The following RALGPS1 variants were observed in gnomAD, a reference collection of about 807,000 sequenced individuals.
RALGPS1 encodes the protein Ral GEF with PH domain and SH3 binding motif 1, also known as ras-specific guanine nucleotide-releasing factor RalGPS1.
In RALGPS1, 19 loss-of-function variants were observed where a neutral mutation model predicts 78.8. The ratio of observed to expected loss-of-function variants is 0.24; its 90% CI spans 0.17 to 0.35. RALGPS1 has a LOEUF of 0.35. Among genes scored for constraint, RALGPS1 ranks in the 10% least tolerant of loss-of-function variants. The probability of loss-of-function intolerance (pLI) is 1.00; values close to 1 mark genes in which losing one functional copy is unlikely to be tolerated. For missense variants in RALGPS1, 454 were observed against 688.3 expected (o/e 0.66, Z 3.81); for synonymous variants, 228 against 256.3 (o/e 0.89, Z 1.06).
intron 8 of RALGPS1, chr9:127,088,116 G>T (rs1178403929): frequency 6.6e-6 from 1 of 152,552 alleles, no homozygotes; most frequent in Non-Finnish European, 1.5e-5. Flanking sequence ...CAGCAGAGCG[G>T]AAAGGGGGCC....
At chr9:126,944,233 G>T (rs1453282014) in intron 1 of RALGPS1, among the ~76,000 whole-genome samples, 2 of 152,242 alleles carry the variant, frequency 1.3e-5, no homozygotes, top group Non-Finnish European at 2.9e-5. Context: ...ACATCTCACA[G>T]CAGCAGTGGA....
chr9:127,018,182 TCCAGCC>T (rs1371096846), intron 4 of RALGPS1, among the ~76,000 whole-genome samples: 3 of 151,602 alleles, frequency 2.0e-5, no homozygotes, highest in Non-Finnish European at 2.9e-5. Context: ...GCCACTGCAC[TCCAGCC>T]TGAGTGACAG....
intron 8 of RALGPS1, among the ~76,000 whole-genome samples, chr9:127,133,726 C>G (rs946259944): frequency 6.6e-6 from 1 of 152,208 alleles, no homozygotes; most frequent in Non-Finnish European, 1.5e-5. Context: ...GGAACCAAAA[C>G]TCTCCTGGTT....
At chr9:126,964,483 C>G (rs892691978) in intron 2 of RALGPS1, among the ~76,000 whole-genome samples, 4 of 151,960 alleles carry the variant, frequency 2.6e-5, no homozygotes, top group Non-Finnish European at 5.9e-5. Flanking sequence ...TTTATATAAC[C>G]CGTACTATAG....
chr9:127,131,984 CAT>C (rs1401459649), intron 8 of RALGPS1, among the ~76,000 whole-genome samples: 1 of 152,162 alleles, frequency 6.6e-6, no homozygotes, highest in East Asian at 1.9e-4. Flanking sequence ...AACAAGTTCA[CAT>C]GAGGCCCTTG....
intron 4 of RALGPS1, among the ~76,000 whole-genome samples, chr9:127,025,221 C>T (rs1472639750): frequency 6.6e-6 from 1 of 152,224 alleles, no homozygotes; most frequent in African/African-American, 2.4e-5. Context: ...GTATGCGTCA[C>T]TCTGTCATTC....
intron 18 of RALGPS1, among the ~76,000 whole-genome samples, chr9:127,216,519 A>G (rs960528455): frequency 6.6e-6 from 1 of 152,230 alleles, no homozygotes; most frequent in Non-Finnish European, 1.5e-5. Flanking sequence ...GTGACACTTG[A>G]TAGTTATTAG....
At chr9:126,942,091 C>T in intron 1 of RALGPS1, among the ~76,000 whole-genome samples, 1 of 152,226 alleles carries the variant, frequency 6.6e-6, no homozygotes, top group Admixed American at 6.5e-5. Context: ...TTCAGGTCCA[C>T]CCATCTTCCG....
At chr9:127,165,944 A>C in intron 8 of RALGPS1, 125 bp from the exon 9 acceptor site, 1 of 1,362,722 alleles carries the variant, frequency 7.3e-7, no homozygotes, top group Non-Finnish European at 9.6e-7. Flanking sequence ...ATTAAAGTCC[A>C]AATATTATCT....
intron 14 of RALGPS1, among the ~76,000 whole-genome samples, chr9:127,202,546 G>C (rs2061690089): frequency 1.3e-5 from 2 of 152,288 alleles, no homozygotes; most frequent in African/African-American, 4.8e-5. Flanking sequence ...ACCCTCTTCT[G>C]CTCTTCATCC....
At chr9:126,983,163 C>T (rs561906102) in intron 4 of RALGPS1, among the ~76,000 whole-genome samples, 2 of 152,092 alleles carry the variant, frequency 1.3e-5, no homozygotes, top group South Asian at 2.1e-4. Context: ...TCTCGAATTC[C>T]TGACCTCAGG....
intron 4 of RALGPS1, among the ~76,000 whole-genome samples, chr9:126,999,503 C>G (rs1170409436): frequency 6.6e-6 from 1 of 152,142 alleles, no homozygotes; most frequent in Non-Finnish European, 1.5e-5. Context: ...TCTCTTAACC[C>G]CTGGCACCAC....
chr9:127,098,653 G>C (rs2053412784), intron 8 of RALGPS1, among the ~76,000 whole-genome samples: 1 of 152,170 alleles, frequency 6.6e-6, no homozygotes, highest in African/African-American at 2.4e-5. Flanking sequence ...GAGGTGATCA[G>C]CTTTGGGTGC....
chr9:126,989,778 C>T, intron 4 of RALGPS1: 4 of 1,405,090 alleles, frequency 2.8e-6, no homozygotes, highest in Non-Finnish European at 3.8e-6. Flanking sequence ...AATACATATT[C>T]CTGTGGGACA....
chr9:127,116,685 G>T (rs1374814246), intron 8 of RALGPS1, among the ~76,000 whole-genome samples: 1 of 152,200 alleles, frequency 6.6e-6, no homozygotes, highest in Non-Finnish European at 1.5e-5. Context: ...TGCTTTTCTG[G>T]ACCAGGCTGA....
chr9:127,159,756 G>T (rs930203607), intron 8 of RALGPS1, among the ~76,000 whole-genome samples: 11 of 152,136 alleles, frequency 7.2e-5, no homozygotes, highest in Non-Finnish European at 1.3e-4. Context: ...ATCCTAATGA[G>T]CTGCTGCTTT....
intron 7 of RALGPS1, among the ~76,000 whole-genome samples, chr9:127,055,624 G>A (rs150741282): frequency 1.0e-3 from 159 of 152,332 alleles, no homozygotes; most frequent in African/African-American, 3.7e-3. Flanking sequence ...CAGAAAGGTA[G>A]AGTGGTTTAT....
chr9:126,960,164 TTCCCTCCCTCCC>T (rs1201890808), intron 1 of RALGPS1, among the ~76,000 whole-genome samples: 4 of 127,582 alleles, frequency 3.1e-5, no homozygotes, highest in Non-Finnish European at 5.0e-5. Flanking sequence ...CTTCCCTTCC[TTCCCTCCCTCCC>T]TCCCTCCCTC....
intron 4 of RALGPS1, among the ~76,000 whole-genome samples, chr9:126,987,563 C>T (rs930555234): frequency 6.6e-6 from 1 of 152,146 alleles, no homozygotes; most frequent in Non-Finnish European, 1.5e-5. Flanking sequence ...TGTTTCATTC[C>T]CTTGCCGACT....
Sources: gnomAD v4.1 joint callset for allele counts (sites outside exome capture counted in the v4.1 genomes callset) on GRCh38, gnomAD v4.1.1 for gene constraint, MANE v1.5 for transcripts, NCBI Gene and HGNC (gene_info 2026-07-23, HGNC 2026-07-21) for gene names.